SMTN: variants seen among roughly 807,000 people sequenced by gnomAD.
The protein encoded by SMTN is smoothelin.
Under a neutral mutation model 102.0 loss-of-function variants are expected in SMTN, and 58 were observed. That is an observed-to-expected ratio of 0.57 (90% CI 0.46 to 0.71). SMTN has a LOEUF of 0.71. SMTN is among the 30% of genes least tolerant of loss of function. The pLI, the probability that SMTN is intolerant of heterozygous loss-of-function variation, is 0.00. For synonymous variants in SMTN, 478 were observed against 497.9 expected (o/e 0.96, Z 0.53); for missense variants, 1,185 against 1,241.7 (o/e 0.95, Z 0.69).
At chr22:31,091,525 C>G in intron 10 of SMTN, 43 bp downstream of exon 10, 1 of 1,514,512 alleles carries the variant, frequency 6.6e-7, no homozygotes, top group Non-Finnish European at 8.8e-7. Flanking sequence ...TGAGTGCCTG[C>G]AACCGCACTT....
chr22:31,092,043 G>A (rs2043182449), intron 11 of SMTN, among the ~76,000 whole-genome samples, 196 bp downstream of exon 11: 1 of 152,224 alleles, frequency 6.6e-6, no homozygotes, highest in Non-Finnish European at 1.5e-5. Context: ...TAGCATATCA[G>A]TCCCTAAGTG....
chr22:31,098,030 G>C (rs182476323), intron 16 of SMTN, among the ~76,000 whole-genome samples: 6 of 152,310 alleles, frequency 3.9e-5, no homozygotes, highest in African/African-American at 1.4e-4. Flanking sequence ...AGGTCACACA[G>C]CACCTTTATA....
At chr22:31,098,000 G>A (rs747916714) in intron 16 of SMTN, among the ~76,000 whole-genome samples, 1 of 152,200 alleles carries the variant, frequency 6.6e-6, no homozygotes, top group Admixed American at 6.5e-5. Flanking sequence ...CCACTTCCCA[G>A]TATCTGCAAA....
rs1395841761 is a variant in SMTN at position 31,098,798 on chromosome 22, G to GC, written c.2292dup (p.Lys765GlnfsTer5). The GC allele has an allele frequency of 6.2e-7, 1 of 1,612,252 alleles. No homozygotes were observed. Among genetic ancestry groups the GC allele is most frequent in the Non-Finnish European group, 8.5e-7 (1 of 1,179,744 alleles). On this transcript the variant is annotated frameshift_variant, in exon 17 of 21. Transcript: ENST00000333137. LOFTEE classifies it high-confidence loss of function. ...CCCAAGACCTCAGCCTCCCAGGCGC[G>GC]CAAGGCCATGATTGAGAAGCTGGAG...
Position 31,095,859 on chromosome 22 carries a change from T to C in SMTN, c.1861+250T>C. The C allele has an allele frequency of 1.8e-6, 1 of 559,960 alleles. No individual in the cohort carries two copies. Among genetic ancestry groups the C allele is most frequent in the Non-Finnish European group, 3.2e-6 (1 of 314,980 alleles). The allele number at this position is 559,960 out of a possible 1,614,324, so 34.7% of individuals were successfully genotyped here. On this transcript the variant is annotated intron_variant, in intron 13 of 20. Coordinates refer to ENST00000333137, the MANE Select transcript of SMTN (RefSeq NM_134269.3). The surrounding 1 kb of genome is among the most constrained non-coding windows in gnomAD (Gnocchi z 4.1). The stretch of plus-strand genomic sequence containing the variant: ...TTCTCTTCTCCTTCCTAGACCCAGA[T>C]ACTCCCTCCCGCAGCTACTCTCTCC...
chr22:31,079,487 G>C (rs1016054761), upstream of SMTN, among the ~76,000 whole-genome samples: 3 of 152,242 alleles, frequency 2.0e-5, no homozygotes, highest in African/African-American at 7.2e-5. Context: ...CACAAAGCAG[G>C]CCATTCATTG....
chr22:31,084,908 A>G, intron 2 of SMTN: 1 of 1,276,844 alleles, frequency 7.8e-7, no homozygotes, highest in Non-Finnish European at 1.0e-6. Flanking sequence ...CCTCGTGGCA[A>G]GAACGGGGGC....
chr22:31,100,792 C>T, intron 19 of SMTN, 93 bp from the exon 20 acceptor site: 1 of 661,782 alleles, frequency 1.5e-6, no homozygotes, highest in South Asian at 1.7e-5. Context: ...TTCCTCCCCT[C>T]TCTCTTCTCT....
intron 11 of SMTN, chr22:31,093,741 C>T (rs559850637): frequency 7.2e-5 from 104 of 1,444,512 alleles, no homozygotes; most frequent in Middle Eastern, 1.7e-4. Flanking sequence ...TGGAGCCCAG[C>T]GAGCTGCTCC....
chr22:31,093,697 G>A (rs768672447), intron 11 of SMTN: 47 of 990,264 alleles, frequency 4.7e-5, no homozygotes, highest in Admixed American at 8.6e-5. Context: ...CCTACGGCTG[G>A]GGGTCCCACT....
chr22:31,068,715 G>A (rs1190582411), intron 1 of SMTN, among the ~76,000 whole-genome samples: 5 of 152,162 alleles, frequency 3.3e-5, no homozygotes, highest in Admixed American at 2.0e-4. Context: ...CGTGTTGAGC[G>A]AGACAAACCC....
rs754803566 is a variant in SMTN, at chr22:31,088,713, T to C, written c.309T>C (p.Gly103=). 6.2e-6 allele frequency: 10 copies of C among 1,613,436 alleles called. No homozygotes were observed. ...CTTACCCACAGTTGCGAAGCGCTGG[T>C]GAGTATGAGGAGCGCAAGCTGATCC... ...EELTALLRSA[G]EYEERKLIRA... The change falls in exon 5 of 21, where the codon GGT becomes GGC. Residue 103 remains glycine (G), a synonymous_variant. Coordinates refer to ENST00000333137, the MANE Select transcript of SMTN (RefSeq NM_134269.3).
chr22:31,064,321 C>T (rs561565216), intron 1 of SMTN: 1 of 152,248 alleles, frequency 6.6e-6, no homozygotes, highest in African/African-American at 2.4e-5. Context: ...GGTGATCAGT[C>T]AGAGCTTCTT....
intron 1 of SMTN, among the ~76,000 whole-genome samples, chr22:31,069,858 G>A (rs2041956043): frequency 1.3e-5 from 2 of 152,156 alleles, no homozygotes; most frequent in Admixed American, 1.3e-4. Flanking sequence ...GTGAACTTGG[G>A]TTGATTCATC....
At position 31,091,499 on chromosome 22, in the gene SMTN, G is replaced by A. The variant is rs1461488152; in HGVS notation, c.1459+17G>A. The stretch of plus-strand genomic sequence containing the variant: ...AGAGGGCAGGTAGGCGCCCCCCACT[G>A]CCTCCCCAATGGGGATGAGTGCCTG... On this transcript the variant is annotated intron_variant, in intron 10 of 20. Coordinates refer to ENST00000333137, the MANE Select transcript of SMTN (RefSeq NM_134269.3). The A allele has an allele frequency of 6.6e-7, 1 of 1,518,428 alleles. No homozygotes were observed. The highest frequency in any genetic ancestry group is 8.8e-7 in the Non-Finnish European group (1 of 1,136,754). 94.1% of individuals were successfully genotyped at this position (1,518,428 alleles called of 1,614,324 possible).
chr22:31,083,823 G>T (rs952453559), intron 2 of SMTN, among the ~76,000 whole-genome samples: 2 of 152,208 alleles, frequency 1.3e-5, no homozygotes, highest in African/African-American at 2.4e-5. Context: ...ATCTAAGAAG[G>T]AGCTGTGCCA....
chr22:31,073,464 A>T (rs1190046448), intron 1 of SMTN, among the ~76,000 whole-genome samples: 1 of 152,168 alleles, frequency 6.6e-6, no homozygotes, highest in African/African-American at 2.4e-5. Context: ...TTAAGTGTGG[A>T]TGTGCCTCCT....
intron 11 of SMTN, chr22:31,093,926 C>T: frequency 3.2e-6 from 4 of 1,249,248 alleles, no homozygotes; most frequent in African/African-American, 1.5e-5. Context: ...CAGGCTCTGC[C>T]TCCTCTTGAC....
chr22:31,088,944 C>A lies in SMTN; in HGVS notation c.446C>A (p.Ala149Glu). 4 of 1,613,714 alleles carry A rather than the reference C, an allele frequency of 2.5e-6. No homozygotes were observed. Among genetic ancestry groups the A allele is most frequent in the Non-Finnish European group, 3.4e-6 (4 of 1,179,962 alleles). Residue 149 changes from alanine to glutamate, a missense_variant, in exon 6 of 21, where the codon GCG becomes GAG. By Grantham distance (107) the Ala-to-Glu change is moderately radical (BLOSUM62 -1). Around this residue, in one of 2 missense-constraint regions of SMTN, gnomAD observed 1,096 missense variants for 1,112.7 expected, o/e 0.98. Transcript: ENST00000333137. ...SGSREDSKGLAAHRLEQCEVP... is the reference protein window; with the variant it reads ...SGSREDSKGLEAHRLEQCEVP... ...TCAAGAGAGGACAGCAAGGGGCTAG[C>A]GGCACACAGGCTGGAACAGTGTGAG...
Sources: allele counts gnomAD v4.1 joint callset (sites outside exome capture counted in the v4.1 genomes callset), GRCh38; gene constraint gnomAD v4.1.1; regional missense constraint gnomAD v4.1.1; non-coding constraint Gnocchi (gnomAD v3.1); transcripts MANE v1.5; gene names NCBI Gene and HGNC (gene_info 2026-07-23, HGNC 2026-07-21).